KLRF2: variants seen among roughly 807,000 people sequenced by gnomAD.
KLRF2 encodes killer cell lectin-like receptor subfamily F member 2.
A neutral mutation model predicts 25.3 loss-of-function variants in KLRF2; 28 were observed. The ratio of observed to expected loss-of-function variants is 1.11; its 90% confidence interval spans 0.82 to 1.52. KLRF2 has a LOEUF of 1.52. Ranked by LOEUF, KLRF2 falls within the 40% of genes most tolerant of loss-of-function variation. The probability of loss-of-function intolerance (pLI) is 0.00; values close to 1 mark genes in which losing one functional copy is unlikely to be tolerated. For missense variants in KLRF2, 265 were observed against 245.8 expected (o/e 1.08, Z -0.52); for synonymous variants, 73 against 85.0 (o/e 0.86, Z 0.78).
At chr12:9,889,083 G>C (rs1201455709) in intron 3 of KLRF2, among the ~76,000 whole-genome samples, 2 of 152,220 alleles carry the variant, frequency 1.3e-5, no homozygotes, top group East Asian at 1.9e-4. Context: ...CCACTGATAG[G>C]TGTGACATGT....
At position 9,888,758 on chromosome 12, in the gene KLRF2, T is replaced by C. The variant is rs1011135064; in HGVS notation, c.195T>C (p.Asn65=). The C allele has an allele frequency of 2.0e-6, 3 of 1,505,672 alleles. No homozygotes were observed. In the African/African-American group the frequency reaches 4.1e-5, roughly 21 times the overall value. 93.3% of individuals were successfully genotyped at this position (1,505,672 alleles called of 1,614,324 possible). Residue 65 remains asparagine (N), a synonymous_variant, in exon 3 of 6, where the codon AAT becomes AAC. Transcript: ENST00000535540. ...FWHKKMDFSQ[N]VNVSSLSGHN... is the part of the protein sequence containing the mutation. ...ATAAAAAAATGGATTTCTCCCAGAA[T>C]GTAAACGTCAGCAGTCTATCAGGTA...
chr12:9,892,947 C>T (rs1440519762), intron 3 of KLRF2, 73 bp from the exon 4 acceptor site: 69 of 1,197,724 alleles, frequency 5.8e-5, no homozygotes, highest in Non-Finnish European at 7.8e-5. Flanking sequence ...TCCAAGTAGT[C>T]ACATTTGATA....
intron 2 of KLRF2, among the ~76,000 whole-genome samples, chr12:9,885,781 T>C (rs1157466125): frequency 1.3e-5 from 2 of 152,072 alleles, no homozygotes; most frequent in Non-Finnish European, 2.9e-5. Flanking sequence ...AATTGTTCAA[T>C]GCAACATTGA....
Position 9,881,533 on chromosome 12 carries a change from G to A in KLRF2, c.-63G>A. ...GTGCCAAAGAGACATATCCAAGGTT[G>A]AGATTAGTTTCCATTTTCTTTGTAC... On this transcript the variant is annotated 5_prime_UTR_variant, in exon 1 of 6. Coordinates refer to ENST00000535540, the MANE Select transcript of KLRF2 (RefSeq NM_001190765.1). 8.3e-7 allele frequency: 1 copy of A among 1,209,120 alleles called. No homozygotes were observed. Among genetic ancestry groups the A allele is most frequent in the Non-Finnish European group, 1.2e-6 (1 of 853,062 alleles). 74.9% of individuals were successfully genotyped at this position (1,209,120 alleles called of 1,614,324 possible).
intron 2 of KLRF2, among the ~76,000 whole-genome samples, chr12:9,887,051 T>C (rs939567607): frequency 6.6e-6 from 1 of 151,844 alleles, no homozygotes; most frequent in East Asian, 1.9e-4. Flanking sequence ...ATATCTGAGA[T>C]GGAAAATCAA....
At chr12:9,889,007 T>C (rs1401586064) in intron 3 of KLRF2, among the ~76,000 whole-genome samples, 1 of 152,136 alleles carries the variant, frequency 6.6e-6, no homozygotes, top group East Asian at 1.9e-4. Flanking sequence ...AGGGTTTTAG[T>C]GAGTCAACAA....
At chr12:9,886,991 C>T (rs967267721) in intron 2 of KLRF2, among the ~76,000 whole-genome samples, 4 of 151,512 alleles carry the variant, frequency 2.6e-5, no homozygotes, top group East Asian at 1.9e-4. Flanking sequence ...CCAAATATCC[C>T]GGAGCACAGA....
chr12:9,890,391 C>G (rs1385060958), intron 3 of KLRF2, among the ~76,000 whole-genome samples: 1 of 150,870 alleles, frequency 6.6e-6, no homozygotes, highest in Non-Finnish European at 1.5e-5. Context: ...ACCCATCTTT[C>G]GAGAGCTGAG....
intron 5 of KLRF2, among the ~76,000 whole-genome samples, chr12:9,894,097 TTC>T (rs1271538790): frequency 4.7e-5 from 7 of 149,694 alleles, no homozygotes; most frequent in African/African-American, 1.2e-4. Flanking sequence ...TTCTTTCTCT[TTC>T]TCTCTTTTTC....
chr12:9,893,029 A>T lies in KLRF2; in HGVS notation c.227A>T (p.Tyr76Phe), dbSNP rs185045840. The change falls in exon 4 of 6, where the codon TAC (tyrosine) becomes TTC (phenylalanine). Residue 76 changes from tyrosine (Y) to phenylalanine (F), a missense_variant. Coordinates refer to ENST00000535540, the MANE Select transcript of KLRF2 (RefSeq NM_001190765.1). ...VNVSSLSGHN[Y>F]LCPNDWLLNE... is the part of the protein sequence containing the mutation. ...CTATGTTTTCCTTTAGGACACAATT[A>T]CTTGTGCCCAAATGACTGGCTGTTG... 4 of 1,535,232 alleles carry T rather than the reference A, an allele frequency of 2.6e-6. No homozygotes were observed. Among genetic ancestry groups the T allele is most frequent in the South Asian group, 1.2e-5 (1 of 83,952 alleles).
rs550836221 is a variant in KLRF2, at chr12:9,894,729, T to C, written c.480-960T>C. On this transcript the variant is annotated intron_variant, in intron 5 of 5. Coordinates refer to ENST00000535540, the MANE Select transcript of KLRF2 (RefSeq NM_001190765.1). Reference sequence around the variant, plus strand: ...AGATATTTATCTACTCCTGGATACATCTATTCTACATTTATTATCATCCTT... The same window carrying C: ...AGATATTTATCTACTCCTGGATACACCTATTCTACATTTATTATCATCCTT... 1.1e-4 allele frequency among the ~76,000 whole-genome samples: 16 copies of C among 152,328 alleles called. No individual in the cohort carries two copies. In the East Asian group the frequency reaches 2.9e-3, roughly 28 times the overall value.
chr12:9,895,261 T>C (rs2137006613), intron 5 of KLRF2, among the ~76,000 whole-genome samples: 1 of 152,338 alleles, frequency 6.6e-6, no homozygotes, highest in South Asian at 2.1e-4. Flanking sequence ...TTATTTATGC[T>C]GCTATGTGGA....
intron 2 of KLRF2, 78 bp from the exon 3 acceptor site, chr12:9,888,655 T>C (rs1344183497): frequency 7.7e-6 from 6 of 774,360 alleles, no homozygotes; most frequent in Non-Finnish European, 1.3e-5. Flanking sequence ...CATTTTCTGC[T>C]GGTACTTTAT....
chr12:9,892,338 G>A (rs1862687145), intron 3 of KLRF2, among the ~76,000 whole-genome samples: 1 of 152,190 alleles, frequency 6.6e-6, no homozygotes, highest in South Asian at 2.1e-4. Context: ...CAGACATGAA[G>A]TGCAGGTTGT....
intron 1 of KLRF2, among the ~76,000 whole-genome samples, chr12:9,882,255 C>T (rs936935338): frequency 8.1e-6 from 1 of 123,064 alleles, no homozygotes; most frequent in Non-Finnish European, 1.6e-5. Flanking sequence ...TCAGAATTAC[C>T]AGTCGCAGTG....
chr12:9,891,181 A>G (rs1284224079), intron 3 of KLRF2, among the ~76,000 whole-genome samples: 1 of 152,118 alleles, frequency 6.6e-6, no homozygotes, highest in Non-Finnish European at 1.5e-5. Context: ...AACTAAGTGT[A>G]TATAAGGTGC....
intron 3 of KLRF2, among the ~76,000 whole-genome samples, chr12:9,889,537 A>T (rs1862647849): frequency 6.6e-6 from 1 of 151,438 alleles, no homozygotes; most frequent in South Asian, 2.1e-4. Flanking sequence ...TATAATATTA[A>T]TTTTTCCTGG....
chr12:9,884,847 A>T (rs1406718642), intron 1 of KLRF2, 87 bp from the exon 2 acceptor site: 1 of 440,580 alleles, frequency 2.3e-6, no homozygotes, highest in Non-Finnish European at 4.0e-6. Context: ...ATCTAAAATG[A>T]ACATGAGTTG....
intron 2 of KLRF2, among the ~76,000 whole-genome samples, chr12:9,888,041 C>A (rs1395064963): frequency 2.8e-5 from 3 of 107,524 alleles, no homozygotes; most frequent in Non-Finnish European, 5.2e-5. Flanking sequence ...GGTGACAAAG[C>A]CAGACCCTGT....
Sources: allele counts gnomAD v4.1 joint callset (sites outside exome capture counted in the v4.1 genomes callset), GRCh38; gene constraint gnomAD v4.1.1; transcripts MANE v1.5; gene names NCBI Gene and HGNC (gene_info 2026-07-23, HGNC 2026-07-21).